RIMS2: variants seen among roughly 807,000 people sequenced by gnomAD.
RIMS2 encodes regulating synaptic membrane exocytosis 2.
In RIMS2, 59 loss-of-function variants were observed where a neutral mutation model predicts 174.4. The observed-to-expected ratio is 0.34, with a 90% CI of 0.27 to 0.42. RIMS2 has a LOEUF of 0.42. RIMS2 is among the 10% of genes least tolerant of loss of function. The pLI, the probability that RIMS2 is intolerant of heterozygous loss-of-function variation, is 1.00. For synonymous variants in RIMS2, 606 were observed against 572.5 expected (o/e 1.06, Z -0.84); for missense variants, 1,620 against 1,666.3 (o/e 0.97, Z 0.48).
At chr8:103,567,861 A>T (rs2092491151) in intron 1 of RIMS2, among the ~76,000 whole-genome samples, 1 of 152,210 alleles carries the variant, frequency 6.6e-6, no homozygotes, top group Non-Finnish European at 1.5e-5. Flanking sequence ...CCTGGTGGGT[A>T]TGAAGTAGTA....
chr8:103,964,496 TA>T (rs2091231254), intron 15 of RIMS2, among the ~76,000 whole-genome samples: 1 of 152,218 alleles, frequency 6.6e-6, no homozygotes, highest in African/African-American at 2.4e-5. Flanking sequence ...TTTGGCCCAT[TA>T]TTTTTTAATT....
intron 19 of RIMS2, among the ~76,000 whole-genome samples, chr8:104,152,526 G>A (rs761370287): frequency 6.6e-6 from 1 of 151,786 alleles, no homozygotes; most frequent in South Asian, 2.1e-4. Flanking sequence ...TTTTAATTAT[G>A]CTTTATTTTC....
At chr8:103,835,235 G>A (rs764335949) in intron 3 of RIMS2, among the ~76,000 whole-genome samples, 1 of 151,552 alleles carries the variant, frequency 6.6e-6, no homozygotes, top group Non-Finnish European at 1.5e-5. Context: ...CCGAGTAGCT[G>A]GGACTACAGG....
At chr8:104,159,355 C>T (rs997183603) in intron 19 of RIMS2, among the ~76,000 whole-genome samples, 1 of 152,120 alleles carries the variant, frequency 6.6e-6, no homozygotes, top group Non-Finnish European at 1.5e-5. Context: ...GTTCTTTTTG[C>T]TTAGGATTAT....
intron 3 of RIMS2, among the ~76,000 whole-genome samples, chr8:103,812,075 T>C (rs1338467344): frequency 6.6e-6 from 1 of 152,222 alleles, no homozygotes; most frequent in Non-Finnish European, 1.5e-5. Flanking sequence ...TAAAATGTTT[T>C]TGTACATCAG....
intron 1 of RIMS2, among the ~76,000 whole-genome samples, chr8:103,626,587 A>T (rs2095792173): frequency 6.6e-6 from 1 of 152,248 alleles, no homozygotes; most frequent in South Asian, 2.1e-4. Context: ...AGTAATGCAT[A>T]TATTGATCTA....
intron 19 of RIMS2, among the ~76,000 whole-genome samples, chr8:104,032,476 A>G (rs1030533692): frequency 6.6e-6 from 1 of 152,074 alleles, no homozygotes; most frequent in Non-Finnish European, 1.5e-5. Flanking sequence ...TAGGATATAA[A>G]TAACTCCCAC....
intron 1 of RIMS2, chr8:103,559,433 AAGAG>A (rs894393855): frequency 2.0e-5 from 7 of 344,620 alleles, no homozygotes; most frequent in East Asian, 1.0e-4. Flanking sequence ...ATTAAAAAGA[AAGAG>A]AGAGTTCAGG....
At chr8:104,051,845 A>G (rs2096792706) in intron 19 of RIMS2, among the ~76,000 whole-genome samples, 1 of 152,216 alleles carries the variant, frequency 6.6e-6, no homozygotes, top group South Asian at 2.1e-4. Context: ...TGATTAAGTG[A>G]CAGACATAAT....
chr8:103,951,032 T>C (rs2085221357), intron 14 of RIMS2, among the ~76,000 whole-genome samples: 1 of 152,222 alleles, frequency 6.6e-6, no homozygotes, highest in Non-Finnish European at 1.5e-5. Flanking sequence ...CAATCAAGTA[T>C]TCTTTATCCC....
intron 1 of RIMS2, among the ~76,000 whole-genome samples, chr8:103,505,979 T>C (rs764703358): frequency 3.5e-4 from 54 of 152,236 alleles, no homozygotes; most frequent in Non-Finnish European, 6.6e-4. Context: ...TTTAAAAAAA[T>C]TGAATTTATT....
chr8:103,577,635 C>G (rs558465490), intron 1 of RIMS2, among the ~76,000 whole-genome samples: 3 of 152,078 alleles, frequency 2.0e-5, no homozygotes, highest in African/African-American at 7.2e-5. Flanking sequence ...AGTATTAATA[C>G]AGTTACTGTG....
intron 22 of RIMS2, 78 bp from the exon 29 acceptor site, chr8:104,250,946 C>A (rs2140298340): frequency 1.6e-6 from 2 of 1,264,684 alleles, no homozygotes; most frequent in Admixed American, 2.0e-5. Flanking sequence ...GATTACTAAA[C>A]TGGTAAATGT....
chr8:103,768,996 T>G (rs1443660249), intron 3 of RIMS2: 1 of 348,872 alleles, frequency 2.9e-6, no homozygotes, highest in Non-Finnish European at 5.7e-6. Flanking sequence ...GTCTGCAAGC[T>G]TCTACTTCTA....
chr8:104,240,218 T>A (rs1201288437), intron 19 of RIMS2, among the ~76,000 whole-genome samples: 1 of 152,234 alleles, frequency 6.6e-6, no homozygotes, highest in Non-Finnish European at 1.5e-5. Context: ...ATTAGTATCC[T>A]TAATTACATC....
chr8:104,180,228 C>T (rs1324946450), intron 19 of RIMS2, among the ~76,000 whole-genome samples: 1 of 151,674 alleles, frequency 6.6e-6, no homozygotes, highest in Admixed American at 6.6e-5. Flanking sequence ...AGGGCATGCC[C>T]ATTTTTAATT....
chr8:103,511,471 A>C (rs1826402960), intron 1 of RIMS2, among the ~76,000 whole-genome samples: 1 of 152,200 alleles, frequency 6.6e-6, no homozygotes, highest in Admixed American at 6.5e-5. Flanking sequence ...GTTTGGTTGA[A>C]TATCCATACT....
intron 1 of RIMS2, among the ~76,000 whole-genome samples, chr8:103,624,041 G>C (rs1024379429): frequency 1.3e-5 from 2 of 152,116 alleles, no homozygotes; most frequent in Non-Finnish European, 2.9e-5. Context: ...GACCTCTCTA[G>C]TTTAAAAGGC....
At chr8:103,983,891 C>T (rs1176788327) in intron 16 of RIMS2, among the ~76,000 whole-genome samples, 3 of 152,070 alleles carry the variant, frequency 2.0e-5, no homozygotes, top group African/African-American at 7.2e-5. Flanking sequence ...CAAAAGTAGA[C>T]AAAAGGGCAC....
Sources: allele counts gnomAD v4.1 joint callset (sites outside exome capture counted in the v4.1 genomes callset), GRCh38; gene constraint gnomAD v4.1.1; transcripts MANE v1.5; gene names NCBI Gene and HGNC (gene_info 2026-07-23, HGNC 2026-07-21).